The following PHPT1 variants were observed in gnomAD, a reference collection of about 807,000 sequenced individuals.
PHPT1 encodes phosphohistidine phosphatase 1, also known as 14 kDa phosphohistidine phosphatase.
PHPT1 carries 16 observed loss-of-function variants against 15.6 expected under a neutral mutation model. The ratio of observed to expected loss-of-function variants is 1.03; its 90% CI spans 0.70 to 1.56. The LOEUF is 1.56. Among genes scored for constraint, PHPT1 ranks in the 40% most tolerant of loss-of-function variants. PHPT1 has a pLI of 0.00. For synonymous variants in PHPT1, 102 were observed against 68.1 expected (o/e 1.50, Z -2.45); for missense variants, 228 against 171.0 (o/e 1.33, Z -1.86).
In PHPT1 at chr9:136,849,528, C is replaced by G; in HGVS notation, c.98C>G (p.Ser33Cys). Residue 33 changes from serine (S) to cysteine (C), a missense_variant, in exon 1 of 3, where the codon TCC (serine) becomes TGC (cysteine). Ser to Cys is a moderately radical substitution (Grantham distance 112). Transcript: ENST00000247665. ...ATCCGAGTCCACTCGGCTCCCCGCT[C>G]CGGGGCTCCGGCTGCAGAGAGCAAG... The part of the protein sequence containing the change: ...VLIRVHSAPR[S>C]GAPAAESKEI... 1 of 1,611,304 alleles carries G rather than the reference C, an allele frequency of 6.2e-7. No homozygotes were observed. Among genetic ancestry groups the G allele is most frequent in the Non-Finnish European group, 8.5e-7 (1 of 1,179,526 alleles).
intron 2 of PHPT1, chr9:136,850,501 A>G (rs1196702333): frequency 6.2e-7 from 1 of 1,611,374 alleles, no homozygotes; most frequent in African/African-American, 1.3e-5. Flanking sequence ...AAAAACCACC[A>G]GCAGATGAGA....
rs1206951719 is a variant in PHPT1 at position 136,851,002 on chromosome 9, A to G, written c.*155A>G. On this transcript the variant is annotated 3_prime_UTR_variant, in exon 3 of 3. Transcript: ENST00000247665. ...CTTGGAGACAGGCTAGCCTGGCCAC[A>G]GAATTAAACGTGTTGCCACACCTGC... 10 of 766,464 alleles carry G rather than the reference A, an allele frequency of 1.3e-5. No homozygotes were observed. Among genetic ancestry groups the G allele is most frequent in the South Asian group, 6.8e-5 (5 of 73,858 alleles). 47.5% of individuals were successfully genotyped at this position (766,464 alleles called of 1,614,324 possible).
In PHPT1 at chr9:136,849,469, C is replaced by T; in HGVS notation, c.39C>T (p.Asp13=). Residue 13 remains aspartate (D), a synonymous_variant, in exon 1 of 3, where the codon GAC becomes GAT. Coordinates refer to ENST00000247665, the MANE Select transcript of PHPT1 (RefSeq NM_014172.6). ...ACCTCGCTCTCATTCCTGATGTGGA[C>T]ATCGACTCCGACGGCGTCTTCAAGT... The part of the protein sequence containing the change: ...VADLALIPDV[D]IDSDGVFKYV... The T allele has an allele frequency of 1.2e-6, 2 of 1,611,154 alleles. No individual in the cohort carries two copies. The highest frequency in any genetic ancestry group is 1.1e-5 in the South Asian group (1 of 90,796).
At chr9:136,850,262 C>A in intron 2 of PHPT1, 125 bp downstream of exon 2, 1 of 1,299,208 alleles carries the variant, frequency 7.7e-7, no homozygotes, top group Non-Finnish European at 1.1e-6. Context: ...CTCCCAGGGT[C>A]GGCGGCAGAG....
intron 2 of PHPT1, 92 bp downstream of exon 2, chr9:136,850,229 G>A (rs535501551): frequency 1.9e-6 from 3 of 1,541,346 alleles, no homozygotes; most frequent in South Asian, 1.1e-5. Context: ...GGCCCCAGCT[G>A]AGCACGCAGG....
chr9:136,849,656 C>A, intron 1 of PHPT1, 66 bp downstream of exon 1: 1 of 381,666 alleles, frequency 2.6e-6, no homozygotes. Flanking sequence ...GCTGGCGGGA[C>A]GGAGACGGGG....
Position 136,850,940 on chromosome 9 carries a change from C to T in PHPT1, c.*93C>T, listed in dbSNP as rs749526353. The T allele has an allele frequency of 1.9e-5, 18 of 927,428 alleles. No homozygotes were observed. The highest frequency in any genetic ancestry group is 3.2e-5 in the African/African-American group (2 of 61,918). The allele number at this position is 927,428 out of a possible 1,614,324, so 57.4% of individuals were successfully genotyped here. A position where few individuals can be genotyped will look rare whatever the true frequency, so the allele number is the denominator to read the frequency against. Reference sequence around the variant, plus strand: ...TCTTGCAGGGCTGGCCCTGCCTGCTCCTGCGGCAGCCTCTGGTGACGTGCT... The same window carrying T: ...TCTTGCAGGGCTGGCCCTGCCTGCTTCTGCGGCAGCCTCTGGTGACGTGCT... On this transcript the variant is annotated 3_prime_UTR_variant, in exon 3 of 3. Coordinates refer to ENST00000247665, the MANE Select transcript of PHPT1 (RefSeq NM_014172.6).
At chr9:136,849,791 G>A (rs930330507) in intron 1 of PHPT1, 1 of 715,520 alleles carries the variant, frequency 1.4e-6, no homozygotes, top group Admixed American at 3.2e-5. Flanking sequence ...CGGGAAGGGC[G>A]TGACACGGCC....
Position 136,849,659 on chromosome 9 carries a change from A to AGACGGGGCTGACGAGGCAGG in PHPT1, c.160+71_160+90dup, listed in dbSNP as rs1199213331. On this transcript the variant is annotated intron_variant, in intron 1 of 2. Transcript: ENST00000247665. ...GGCGGGGGCGGGGCTGGCGGGACGG[A>AGACGGGGCTGACGAGGCAGG]GACGGGGCTGACGAGGCAGGGGCGG... 17 of 523,942 alleles carry AGACGGGGCTGACGAGGCAGG rather than the reference A, an allele frequency of 3.2e-5. No individual in the cohort carries two copies. In the African/African-American group the frequency reaches 4.6e-4, roughly 14 times the overall value. The allele number at this position is 523,942 out of a possible 1,614,324, so 32.5% of individuals were successfully genotyped here.
chr9:136,849,912 G>T, intron 1 of PHPT1, 101 bp from the exon 2 acceptor site: 1 of 1,226,090 alleles, frequency 8.2e-7, no homozygotes, highest in South Asian at 1.4e-5. Flanking sequence ...CTGGGGAAGG[G>T]GCTGTTCAGA....
At position 136,849,577 on chromosome 9, in the gene PHPT1, G is replaced by A. The variant is rs992281551; in HGVS notation, c.147G>A (p.Trp49Ter). The part of the protein sequence containing the change: ...ESKEIVRGYK[W>*]AEYHADIYDK... ...AGGAGATCGTGCGCGGCTACAAGTG[G>A]GCTGAGTACCATGGTGAGGGCGGGA... Residue 49 changes from tryptophan to a stop codon, truncating the protein, a stop_gained, in exon 1 of 3, where the codon TGG (tryptophan) becomes TGA (stop). Transcript: ENST00000247665. LOFTEE classifies it high-confidence loss of function. 1.2e-6 allele frequency: 2 copies of A among 1,603,904 alleles called. No homozygotes were observed. Among genetic ancestry groups the A allele is most frequent in the African/African-American group, 1.3e-5 (1 of 74,502 alleles).
chr9:136,850,893 C>T lies in PHPT1; in HGVS notation c.*46C>T, dbSNP rs752048355. 3 of 1,430,710 alleles carry T rather than the reference C, an allele frequency of 2.1e-6. No individual in the cohort carries two copies. Among genetic ancestry groups the T allele is most frequent in the Admixed American group, 3.3e-5 (2 of 59,774 alleles). 88.6% of individuals were successfully genotyped at this position (1,430,710 alleles called of 1,614,324 possible). A position where few individuals can be genotyped will look rare whatever the true frequency, so the allele number is the denominator to read the frequency against. ...GCTGCCTCCAGCAGCCACTTCAGAGCCCCCGCCTTTGCCTGCACTCCTCTT... is the reference window on the plus strand; with the variant it reads ...GCTGCCTCCAGCAGCCACTTCAGAGTCCCCGCCTTTGCCTGCACTCCTCTT... On this transcript the variant is annotated 3_prime_UTR_variant, in exon 3 of 3. Transcript: ENST00000247665.
Position 136,849,522 on chromosome 9 carries a change from C to G in PHPT1, c.92C>G (p.Pro31Arg). The G allele has an allele frequency of 6.2e-7, 1 of 1,611,482 alleles. No individual in the cohort carries two copies. The highest frequency in any genetic ancestry group is 8.5e-7 in the Non-Finnish European group (1 of 1,179,570). ...KYVLIRVHSA[P>R]RSGAPAAESK... is the part of the protein sequence containing the mutation. The stretch of plus-strand genomic sequence containing the variant: ...GTGCTGATCCGAGTCCACTCGGCTC[C>G]CCGCTCCGGGGCTCCGGCTGCAGAG... Residue 31 changes from proline to arginine, a missense_variant, in exon 1 of 3, where the codon CCC becomes CGC. Coordinates refer to ENST00000247665, the MANE Select transcript of PHPT1 (RefSeq NM_014172.6).
At chr9:136,849,811 C>T in intron 1 of PHPT1, 1 of 709,602 alleles carries the variant, frequency 1.4e-6, no homozygotes, top group Non-Finnish European at 2.3e-6. Context: ...CTGACACCCT[C>T]CCCAGCAGTC....
At chr9:136,850,718 G>C (rs74987132) in intron 2 of PHPT1, 37 bp from the exon 3 acceptor site, 1 of 1,564,672 alleles carries the variant, frequency 6.4e-7, no homozygotes, top group Non-Finnish European at 8.8e-7. Flanking sequence ...GGGTTGAAGG[G>C]TCCAGGTAGT....
At chr9:136,850,517 G>GT in intron 2 of PHPT1, 2 of 1,611,874 alleles carry the variant, frequency 1.2e-6, no homozygotes, top group East Asian at 4.5e-5. Context: ...TGAGACCCAC[G>GT]TGCGTCCCTC....
Position 136,850,077 on chromosome 9 carries a change from C to T in PHPT1, c.225C>T (p.Gly75=), listed in dbSNP as rs1255550042. The change falls in exon 2 of 3, where the codon GGC becomes GGT. Residue 75 remains glycine, a synonymous_variant. Transcript: ENST00000247665. ...QKQGCDCECL[G]GGRISHQSQD... ...AAGGCTGCGACTGTGAGTGTCTGGG[C>T]GGCGGGCGCATCTCCCACCAGAGTC... 2 of 1,612,950 alleles carry T rather than the reference C, an allele frequency of 1.2e-6. No homozygotes were observed. The highest frequency in any genetic ancestry group is 1.7e-6 in the Non-Finnish European group (2 of 1,179,776).
chr9:136,849,455 A>T lies in PHPT1; in HGVS notation c.25A>T (p.Ile9Phe), dbSNP rs1185863929. The T allele has an allele frequency of 6.2e-6, 10 of 1,609,116 alleles. No individual in the cohort carries two copies. Among genetic ancestry groups the T allele is most frequent in the Admixed American group, 3.4e-5 (2 of 59,660 alleles). MAVADLAL[I>F]PDVDIDSDGV... Reference sequence around the variant, plus strand: ...CATGGCGGTGGCGGACCTCGCTCTCATTCCTGATGTGGACATCGACTCCGA... The same window carrying T: ...CATGGCGGTGGCGGACCTCGCTCTCTTTCCTGATGTGGACATCGACTCCGA... The change falls in exon 1 of 3, where the codon ATT becomes TTT. Residue 9 changes from isoleucine (I) to phenylalanine (F), a missense_variant. Coordinates refer to ENST00000247665, the MANE Select transcript of PHPT1 (RefSeq NM_014172.6).
rs779972265 is a variant in PHPT1, at chr9:136,850,861, G to A, written c.*14G>A. On this transcript the variant is annotated 3_prime_UTR_variant, in exon 3 of 3. Transcript: ENST00000247665. ...GACGGCTACTGAGCACTCCCAGCCCGGGGCCTGCTGCCTCCAGCAGCCACT... is the reference window on the plus strand; with the variant it reads ...GACGGCTACTGAGCACTCCCAGCCCAGGGCCTGCTGCCTCCAGCAGCCACT... 2.3e-5 allele frequency: 37 copies of A among 1,595,806 alleles called. No individual in the cohort carries two copies. Among genetic ancestry groups the A allele is most frequent in the South Asian group, 3.3e-5 (3 of 90,744 alleles).
Sources: gnomAD v4.1 joint callset for allele counts on GRCh38, gnomAD v4.1.1 for gene constraint, MANE v1.5 for transcripts, NCBI Gene and HGNC (gene_info 2026-07-23, HGNC 2026-07-21) for gene names.